RARB: variants seen among roughly 807,000 people sequenced by gnomAD.
RARB encodes the protein HBV-activated protein.
Under a neutral mutation model 51.9 loss-of-function variants are expected in RARB, and 17 were observed. The observed-to-expected ratio is 0.33, with a 90% confidence interval of 0.22 to 0.49. The LOEUF (loss-of-function observed/expected upper bound fraction) is 0.49, where lower values mean the gene tolerates loss of function less well. Ranked by LOEUF, RARB falls within the 20% of genes least tolerant of loss-of-function variation. RARB has a pLI of 0.99. For synonymous variants in RARB, 215 were observed against 195.4 expected, an observed-to-expected ratio of 1.10 and a Z score of -0.84; for missense variants, 369 against 550.8, an observed-to-expected ratio of 0.67 and a Z score of 3.30.
At chr3:24,861,346 T>C (rs1702744222) in intron 2 of RARB, among the ~76,000 whole-genome samples, 1 of 152,138 alleles carries the variant, frequency 6.6e-6, no homozygotes, top group African/African-American at 2.4e-5. Flanking sequence ...CGGGGAGCCC[T>C]GAATCAGTCC....
At chr3:25,279,135 G>T (rs780788053) in intron 5 of RARB, among the ~76,000 whole-genome samples, 1 of 152,090 alleles carries the variant, frequency 6.6e-6, no homozygotes, top group Non-Finnish European at 1.5e-5. Context: ...CCCCAGAAAC[G>T]GTGCAAGTAA....
At chr3:25,536,905 G>A (rs1160271988) in intron 3 of RARB, among the ~76,000 whole-genome samples, 1 of 152,180 alleles carries the variant, frequency 6.6e-6, no homozygotes, top group Admixed American at 6.5e-5. Context: ...AATTTGGATT[G>A]AGAAAGAAAA....
At chr3:24,881,528 G>GC (rs1703166862) in intron 2 of RARB, among the ~76,000 whole-genome samples, 1 of 152,086 alleles carries the variant, frequency 6.6e-6, no homozygotes, top group African/African-American at 2.4e-5. Context: ...TGCATATTAC[G>GC]ACATTTCAAA....
chr3:25,370,674 G>A (rs1434017239), intron 5 of RARB, among the ~76,000 whole-genome samples: 1 of 152,190 alleles, frequency 6.6e-6, no homozygotes, highest in Non-Finnish European at 1.5e-5. Flanking sequence ...TAGGAGAGGA[G>A]GCAGAGGCCA....
intron 5 of RARB, among the ~76,000 whole-genome samples, chr3:25,199,111 A>G (rs756612120): frequency 2.0e-5 from 3 of 152,130 alleles, no homozygotes; most frequent in Non-Finnish European, 4.4e-5. Flanking sequence ...CTACTATTCA[A>G]CCATGAAAAA....
chr3:25,184,247 G>A (rs1223286983), intron 5 of RARB, among the ~76,000 whole-genome samples: 1 of 151,800 alleles, frequency 6.6e-6, no homozygotes, highest in Non-Finnish European at 1.5e-5. Context: ...GAGATCCTTT[G>A]CCAAATGCCC....
rs1303650876 is a variant in RARB, at chr3:25,153,470, T to C, written c.-279-20649T>C. 8.6e-5 allele frequency among the ~76,000 whole-genome samples: 13 copies of C among 151,656 alleles called. No homozygotes were observed. In the East Asian group the frequency reaches 2.5e-3, roughly 29 times the overall value. On this transcript the variant is annotated intron_variant, in intron 4 of 11. Transcript: ENST00000383772. The stretch of plus-strand genomic sequence containing the variant: ...GACTTTAGTCCATTTGTACGACTTC[T>C]GCTGTTATCAAAGGACAGATCAGAT...
rs755887848 is a variant in RARB, at chr3:25,461,281, C to T, written c.246C>T (p.Phe82=). The T allele has an allele frequency of 5.0e-6, 8 of 1,613,932 alleles. No homozygotes were observed. The highest frequency in any genetic ancestry group is 4.5e-5 in the East Asian group (2 of 44,884). Reference sequence around the variant, plus strand: ...CCCCTCGAGTGTACAAACCCTGCTTCGTCTGCCAGGACAAATCATCAGGGT... The same window carrying T: ...CCCCTCGAGTGTACAAACCCTGCTTTGTCTGCCAGGACAAATCATCAGGGT... ...LPPPRVYKPC[F]VCQDKSSGYH... is the part of the protein sequence containing the mutation. Residue 82 remains phenylalanine, a synonymous_variant, in exon 2 of 8, where the codon TTC becomes TTT. Transcript: ENST00000330688.
At chr3:25,237,654 T>G (rs1363827637) in intron 5 of RARB, among the ~76,000 whole-genome samples, 3 of 152,160 alleles carry the variant, frequency 2.0e-5, no homozygotes, top group Admixed American at 2.0e-4. Context: ...TTTATTAAGT[T>G]AGACACCCAT....
intron 2 of RARB, among the ~76,000 whole-genome samples, chr3:24,946,302 T>G (rs1695773306): frequency 1.5e-5 from 2 of 135,534 alleles, no homozygotes; most frequent in African/African-American, 5.0e-5. Context: ...AATTCAAGTA[T>G]AGTTGATGGA....
chr3:25,013,570 C>G (rs902719520), intron 2 of RARB, among the ~76,000 whole-genome samples: 10 of 152,076 alleles, frequency 6.6e-5, no homozygotes, highest in African/African-American at 2.2e-4. Context: ...GAACCCTTAA[C>G]CACCATTTGC....
intron 2 of RARB, among the ~76,000 whole-genome samples, chr3:25,047,976 A>G (rs1698251846): frequency 6.6e-6 from 1 of 152,174 alleles, no homozygotes. Flanking sequence ...AAGTCTCATG[A>G]GATCTGATGG....
chr3:25,112,761 G>A (rs185220837), intron 3 of RARB, among the ~76,000 whole-genome samples: 10 of 152,248 alleles, frequency 6.6e-5, no homozygotes, highest in African/African-American at 2.4e-4. Flanking sequence ...CTGGGTAACA[G>A]AGTGAGACCC....
chr3:25,137,372 T>C (rs565024123), intron 4 of RARB, among the ~76,000 whole-genome samples: 1 of 152,250 alleles, frequency 6.6e-6, no homozygotes, highest in Non-Finnish European at 1.5e-5. Flanking sequence ...GTGATTTTTG[T>C]TCCCTTCTCT....
chr3:25,264,714 A>G (rs1450688460), intron 5 of RARB, among the ~76,000 whole-genome samples: 2 of 152,178 alleles, frequency 1.3e-5, no homozygotes, highest in Admixed American at 1.3e-4. Flanking sequence ...AATCCTACTA[A>G]TAATATGGGA....
chr3:25,434,111 C>T (rs1419726208), intron 1 of RARB, among the ~76,000 whole-genome samples: 1 of 152,192 alleles, frequency 6.6e-6, no homozygotes, highest in Non-Finnish European at 1.5e-5. Flanking sequence ...GCGACTCAAC[C>T]TGGCCAAGCA....
At chr3:25,259,866 A>C in intron 5 of RARB, 133 of 955,910 alleles carry the variant, frequency 1.4e-4, no homozygotes, top group South Asian at 2.4e-4. Context: ...AAATAAGTCA[A>C]GAGATTTGAG....
chr3:24,935,582 A>G (rs575141561), intron 2 of RARB, among the ~76,000 whole-genome samples: 4 of 152,238 alleles, frequency 2.6e-5, no homozygotes, highest in South Asian at 2.1e-4. Flanking sequence ...CCCTAATTCT[A>G]TAGGCAAATA....
chr3:25,219,960 G>A (rs963286760), intron 5 of RARB, among the ~76,000 whole-genome samples: 1 of 152,172 alleles, frequency 6.6e-6, no homozygotes, highest in Non-Finnish European at 1.5e-5. Flanking sequence ...TTATTACTGT[G>A]TAGAGTAAAA....
Sources: gnomAD v4.1 joint callset for allele counts (sites outside exome capture counted in the v4.1 genomes callset) on GRCh38, gnomAD v4.1.1 for gene constraint, MANE v1.5 for transcripts, NCBI Gene and HGNC (gene_info 2026-07-23, HGNC 2026-07-21) for gene names.